Variants in UCHL3 observed in about 807,000 individuals in gnomAD.
UCHL3 encodes ubiquitin C-terminal hydrolase L3, also known as ubiquitin carboxyl-terminal hydrolase isozyme L3.
A neutral mutation model predicts 35.8 loss-of-function variants in UCHL3; 22 were observed. That is an observed-to-expected ratio of 0.61 (90% CI 0.44 to 0.88). The LOEUF (loss-of-function observed/expected upper bound fraction) is 0.88. Ranked by LOEUF, UCHL3 falls within the 40% of genes least tolerant of loss-of-function variation. The pLI is 0.00. For missense variants in UCHL3, 229 were observed against 276.9 expected (o/e 0.83, Z 1.23); for synonymous variants, 90 against 92.8 (o/e 0.97, Z 0.17).
intron 6 of UCHL3, among the ~76,000 whole-genome samples, chr13:75,586,925 C>T (rs1170089563): frequency 7.0e-6 from 1 of 141,856 alleles, no homozygotes; most frequent in African/African-American, 2.6e-5. Context: ...AACAAACAAA[C>T]AGAGGTTAGA....
intron 7 of UCHL3, among the ~76,000 whole-genome samples, chr13:75,601,364 TAAAAG>T (rs1369757288): frequency 6.6e-6 from 1 of 152,208 alleles, no homozygotes; most frequent in Non-Finnish European, 1.5e-5. Flanking sequence ...AAATCTTTCA[TAAAAG>T]AAAGAGTCAA....
intron 6 of UCHL3, among the ~76,000 whole-genome samples, chr13:75,584,878 G>A (rs1251622357): frequency 6.6e-6 from 1 of 152,132 alleles, no homozygotes; most frequent in Non-Finnish European, 1.5e-5. Context: ...ATCGGTGAAT[G>A]TGAAGATAAA....
At position 75,549,978 on chromosome 13, in the gene UCHL3, C is replaced by T. The variant is rs569027565; in HGVS notation, c.45C>T (p.Val15=). The change falls in exon 2 of 9, where the codon GTC becomes GTT. Residue 15 remains valine, a splice_region_variant and synonymous_variant. Coordinates refer to ENST00000377595, the MANE Select transcript of UCHL3 (RefSeq NM_006002.5). ...RWLPLEANPE[V]TNQFLKQLGL... ...CGTGTTCTCTGTTTCGTTTTCAGGT[C>T]ACCAACCAGGTGAGTGAGGTGTCTG... 1.2e-6 allele frequency: 2 copies of T among 1,614,252 alleles called. No homozygotes were observed. The highest frequency in any genetic ancestry group is 1.7e-5 in the Admixed American group (1 of 60,030).
chr13:75,591,955 G>C (rs151157498), intron 6 of UCHL3, among the ~76,000 whole-genome samples: 12 of 152,106 alleles, frequency 7.9e-5, no homozygotes, highest in Admixed American at 3.9e-4. Flanking sequence ...TGAACATCCT[G>C]TTGGTGCTCA....
At chr13:75,603,069 G>A (rs562349038) in intron 7 of UCHL3, among the ~76,000 whole-genome samples, 11 of 151,952 alleles carry the variant, frequency 7.2e-5, no homozygotes, top group South Asian at 4.2e-4. Context: ...AGCTTGCTGC[G>A]TCCTTGAACT....
intron 3 of UCHL3, among the ~76,000 whole-genome samples, chr13:75,564,934 G>C (rs968862773): frequency 6.6e-6 from 1 of 152,094 alleles, no homozygotes; most frequent in Non-Finnish European, 1.5e-5. Flanking sequence ...GACCTCAGAT[G>C]ATCCACCCCC....
At chr13:75,572,817 T>G (rs952836877) in intron 6 of UCHL3, among the ~76,000 whole-genome samples, 2 of 152,202 alleles carry the variant, frequency 1.3e-5, no homozygotes, top group Non-Finnish European at 2.9e-5. Flanking sequence ...TTTTGTGCAC[T>G]CCAGGGTGGA....
chr13:75,564,173 T>G (rs4885313), intron 3 of UCHL3, among the ~76,000 whole-genome samples: 1 of 150,876 alleles, frequency 6.6e-6, no homozygotes, highest in Non-Finnish European at 1.5e-5. Flanking sequence ...TTTTTTGAGA[T>G]GGAGTCTCGC....
chr13:75,582,494 C>T (rs765860901), intron 6 of UCHL3, among the ~76,000 whole-genome samples: 43 of 151,988 alleles, frequency 2.8e-4, no homozygotes, highest in Admixed American at 2.4e-3. Flanking sequence ...ACATTGGTGT[C>T]GTTAATAGTT....
rs147577432 is a variant in UCHL3, at chr13:75,550,638, G to A, written c.54+651G>A. On this transcript the variant is annotated intron_variant, in intron 2 of 8. Coordinates refer to ENST00000377595, the MANE Select transcript of UCHL3 (RefSeq NM_006002.5). The stretch of plus-strand genomic sequence containing the variant: ...AGGTTGGGGGTTGGGGAGGGAGGAG[G>A]GAACATCTCCCAGCCACTCAGAAGA... Among the ~76,000 whole-genome samples the A allele has an allele frequency of 6.7e-3, 1,015 of 152,096 alleles. 3 individuals carry two copies. Among genetic ancestry groups the A allele is most frequent in the Admixed American group, 0.013 (196 of 15,290 alleles).
chr13:75,553,644 CT>C (rs150097175), intron 2 of UCHL3, among the ~76,000 whole-genome samples: 14,860 of 152,206 alleles, frequency 0.098, 1,036 homozygotes, highest in Middle Eastern at 0.26. Flanking sequence ...GTAATGTTTT[CT>C]GTTGTATAGT....
intron 3 of UCHL3, among the ~76,000 whole-genome samples, chr13:75,563,307 C>G (rs755887167): frequency 3.9e-5 from 6 of 152,158 alleles, no homozygotes; most frequent in Admixed American, 1.3e-4. Flanking sequence ...TCTGGAGTAG[C>G]TGGGATTTCA....
At chr13:75,598,270 C>T (rs1019539234) in intron 7 of UCHL3, among the ~76,000 whole-genome samples, 2 of 152,186 alleles carry the variant, frequency 1.3e-5, no homozygotes, top group African/African-American at 4.8e-5. Flanking sequence ...AAGTTGAAGA[C>T]ATGATGCCCC....
intron 7 of UCHL3, among the ~76,000 whole-genome samples, chr13:75,598,236 C>A (rs948438522): frequency 2.6e-5 from 4 of 152,186 alleles, no homozygotes; most frequent in African/African-American, 9.7e-5. Context: ...AGATTCAATT[C>A]ATATTTCTGA....
intron 6 of UCHL3, among the ~76,000 whole-genome samples, chr13:75,575,775 G>A (rs2032001091): frequency 6.6e-6 from 1 of 152,112 alleles, no homozygotes; most frequent in Non-Finnish European, 1.5e-5. Flanking sequence ...TTTTTGAGAC[G>A]TAGTCTTGCT....
At chr13:75,559,712 T>G (rs1328193629) in intron 2 of UCHL3, among the ~76,000 whole-genome samples, 1 of 152,224 alleles carries the variant, frequency 6.6e-6, no homozygotes, top group African/African-American at 2.4e-5. Flanking sequence ...TTGTTTGTTT[T>G]TAATTTCAAA....
intron 6 of UCHL3, among the ~76,000 whole-genome samples, chr13:75,580,910 G>A (rs2032162484): frequency 6.6e-6 from 1 of 152,162 alleles, no homozygotes; most frequent in Non-Finnish European, 1.5e-5. Context: ...TTGAATTTCT[G>A]TTTTTGCCTT....
intron 2 of UCHL3, among the ~76,000 whole-genome samples, chr13:75,560,037 T>C (rs2138468273): frequency 6.6e-6 from 1 of 152,320 alleles, no homozygotes; most frequent in African/African-American, 2.4e-5. Flanking sequence ...GCAATGAAGT[T>C]AAGTAGGTTT....
chr13:75,592,452 A>ATATATATATG (rs1566228179), intron 6 of UCHL3, among the ~76,000 whole-genome samples: 20 of 114,832 alleles, frequency 1.7e-4, no homozygotes, highest in African/African-American at 6.4e-4. Flanking sequence ...ATATATATAT[A>ATATATATATG]TATATATATA....
Sources: allele counts gnomAD v4.1 joint callset (sites outside exome capture counted in the v4.1 genomes callset), GRCh38; gene constraint gnomAD v4.1.1; transcripts MANE v1.5; gene names NCBI Gene and HGNC (gene_info 2026-07-23, HGNC 2026-07-21).